The following OCEL1 variants were observed in gnomAD, a reference collection of about 807,000 sequenced individuals.
The protein encoded by OCEL1 is occludin/ELL domain-containing protein 1.
A neutral mutation model predicts 29.4 loss-of-function variants in OCEL1; 24 were observed. The ratio of observed to expected loss-of-function variants is 0.82; its 90% CI spans 0.59 to 1.15. The LOEUF (loss-of-function observed/expected upper bound fraction) is 1.15, where lower values mean the gene tolerates loss of function less well. Among genes scored for constraint, OCEL1 ranks in the 50% most tolerant of loss-of-function variants. The pLI is 0.00. For synonymous variants in OCEL1, 172 were observed against 145.3 expected (o/e 1.18, Z -1.32); for missense variants, 402 against 352.5 (o/e 1.14, Z -1.13).
chr19:17,227,393 A>G (rs1480528865), intron 3 of OCEL1, among the ~76,000 whole-genome samples, 194 bp downstream of exon 3: 1 of 152,128 alleles, frequency 6.6e-6, no homozygotes, highest in Non-Finnish European at 1.5e-5. Flanking sequence ...CGTCTCCGAA[A>G]ATAAATAAAT....
In OCEL1 at chr19:17,229,026, C is replaced by G. The variant is rs755804633; in HGVS notation, c.*101C>G. The stretch of plus-strand genomic sequence containing the variant: ...TCTTGCAGCTCCCCCTACCAGGGGT[C>G]GCTTTCTCCTGGATTGCAAATGCCT... On this transcript the variant is annotated 3_prime_UTR_variant, in exon 6 of 6. Transcript: ENST00000215061. 1 of 1,393,608 alleles carries G rather than the reference C, an allele frequency of 7.2e-7. No homozygotes were observed. Among genetic ancestry groups the G allele is most frequent in the Admixed American group, 2.1e-5 (1 of 48,350 alleles). 86.3% of individuals were successfully genotyped at this position (1,393,608 alleles called of 1,614,324 possible). A position where few individuals can be genotyped will look rare whatever the true frequency, so the allele number is the denominator to read the frequency against.
At position 17,229,040 on chromosome 19, in the gene OCEL1, T is replaced by C. The variant is rs1309501798; in HGVS notation, c.*115T>C. Reference sequence around the variant, plus strand: ...CTACCAGGGGTCGCTTTCTCCTGGATTGCAAATGCCTCTTCAGTTTGGACT... The same window carrying C: ...CTACCAGGGGTCGCTTTCTCCTGGACTGCAAATGCCTCTTCAGTTTGGACT... On this transcript the variant is annotated 3_prime_UTR_variant, in exon 6 of 6. Coordinates refer to ENST00000215061, the MANE Select transcript of OCEL1 (RefSeq NM_024578.3). 2 of 1,261,366 alleles carry C rather than the reference T, an allele frequency of 1.6e-6. No individual in the cohort carries two copies. The highest frequency in any genetic ancestry group is 2.3e-5 in the Admixed American group (1 of 44,334). 78.1% of individuals were successfully genotyped at this position (1,261,366 alleles called of 1,614,324 possible).
chr19:17,226,939 G>A, intron 2 of OCEL1, 55 bp from the exon 3 acceptor site: 1 of 1,530,852 alleles, frequency 6.5e-7, no homozygotes, highest in South Asian at 1.3e-5. Flanking sequence ...CCAGTTTGAG[G>A]GACTCCGGTT....
chr19:17,228,951 T>C lies in OCEL1; in HGVS notation c.*26T>C, dbSNP rs1383509611. The C allele has an allele frequency of 1.2e-6, 2 of 1,603,674 alleles. No homozygotes were observed. Among genetic ancestry groups the C allele is most frequent in the Non-Finnish European group, 1.7e-6 (2 of 1,174,964 alleles). Reference sequence around the variant, plus strand: ...GTGCCCCTGCAGATGGGCAGAGGGATGCATGGGGATGCAGGTCCCTTGCAT... The same window carrying C: ...GTGCCCCTGCAGATGGGCAGAGGGACGCATGGGGATGCAGGTCCCTTGCAT... On this transcript the variant is annotated 3_prime_UTR_variant, in exon 6 of 6. Transcript: ENST00000215061.
At position 17,226,733 on chromosome 19, in the gene OCEL1, C is replaced by A. The variant is rs368420288; in HGVS notation, c.110C>A (p.Ala37Asp). The change falls in exon 2 of 6, where the codon GCC becomes GAC. Residue 37 changes from alanine to aspartate, a missense_variant. Ala to Asp is a moderately radical substitution (Grantham distance 126, BLOSUM62 -2). Transcript: ENST00000215061. ...CCCCCGCCGCGCGCGGGACACGACG[C>A]CCCCCGCAGGACCCGCCCATCAGCC... ...RPPPPRAGHD[A>D]PRRTRPSARK... is the part of the protein sequence containing the mutation. The A allele has an allele frequency of 4.5e-6, 7 of 1,542,884 alleles. No individual in the cohort carries two copies. Among genetic ancestry groups the A allele is most frequent in the South Asian group, 3.6e-5 (3 of 84,154 alleles).
intron 1 of OCEL1, 156 bp downstream of exon 1, chr19:17,226,472 G>A (rs10424828): frequency 0.065 from 64,053 of 982,520 alleles, 2,552 homozygotes; most frequent in Middle Eastern, 0.17. Flanking sequence ...GCTGCGCGGC[G>A]ACGTCAGAGT....
intron 1 of OCEL1, 28 bp downstream of exon 1, chr19:17,226,344 G>A: frequency 6.2e-7 from 1 of 1,604,920 alleles, no homozygotes; most frequent in Non-Finnish European, 8.5e-7. Context: ...CGAGCCGGAC[G>A]GCCTTGCAGG....
chr19:17,228,774 C>G, intron 5 of OCEL1, 29 bp from the exon 6 acceptor site: 1 of 1,608,772 alleles, frequency 6.2e-7, no homozygotes, highest in Middle Eastern at 2.0e-4. Flanking sequence ...CAGACTGCTG[C>G]AAAGACTTCC....
chr19:17,226,586 A>C (rs931149470), intron 1 of OCEL1, 107 bp from the exon 2 acceptor site: 32 of 1,230,292 alleles, frequency 2.6e-5, no homozygotes, highest in Non-Finnish European at 3.3e-5. Flanking sequence ...GTTCTGGGGA[A>C]CTCTGCTCCC....
chr19:17,228,171 C>T, intron 4 of OCEL1, 85 bp from the exon 5 acceptor site: 1 of 1,554,910 alleles, frequency 6.4e-7, no homozygotes, highest in South Asian at 1.1e-5. Context: ...ACTAGATGGG[C>T]ATTTAGTCTG....
intron 5 of OCEL1, 38 bp downstream of exon 5, chr19:17,228,347 G>C: frequency 6.2e-7 from 1 of 1,605,112 alleles, no homozygotes; most frequent in Non-Finnish European, 8.5e-7. Context: ...TTGCACCCCT[G>C]AGACTTCTGT....
At position 17,228,019 on chromosome 19, in the gene OCEL1, A is replaced by G; in HGVS notation, c.618+14A>G. ...CCCCAAAGCCAGGTCAGCACTAGGG[A>G]GAAAGCCCTGCCCCGCAGCCCTTCT... On this transcript the variant is annotated intron_variant, in intron 4 of 5. Transcript: ENST00000215061. 1 of 1,610,198 alleles carries G rather than the reference A, an allele frequency of 6.2e-7. No homozygotes were observed. Among genetic ancestry groups the G allele is most frequent in the South Asian group, 1.1e-5 (1 of 90,942 alleles).
In OCEL1 at chr19:17,228,336, C is replaced by G. The variant is rs767489465; in HGVS notation, c.672+27C>G. 11 of 1,612,638 alleles carry G rather than the reference C, an allele frequency of 6.8e-6. No homozygotes were observed. In the Admixed American group the frequency reaches 1.0e-4, roughly 15 times the overall value. ...TGAGTCTTGCATCCCACAGCTTGGT[C>G]TTGCACCCCTGAGACTTCTGTGAGG... On this transcript the variant is annotated intron_variant, in intron 5 of 5. Coordinates refer to ENST00000215061, the MANE Select transcript of OCEL1 (RefSeq NM_024578.3).
chr19:17,229,137 A>T lies in OCEL1; in HGVS notation c.*212A>T. 1 of 460,638 alleles carries T rather than the reference A, an allele frequency of 2.2e-6. No individual in the cohort carries two copies. Among genetic ancestry groups the T allele is most frequent in the South Asian group, 2.5e-5 (1 of 39,812 alleles). The allele number at this position is 460,638 out of a possible 1,614,324, so 28.5% of individuals were successfully genotyped here. A position where few individuals can be genotyped will look rare whatever the true frequency, so the allele number is the denominator to read the frequency against. On this transcript the variant is annotated 3_prime_UTR_variant, in exon 6 of 6. Coordinates refer to ENST00000215061, the MANE Select transcript of OCEL1 (RefSeq NM_024578.3). Reference sequence around the variant, plus strand: ...CTCTGGGTCCTCTAGCTCTGACCCTACAGGGACTCCAGATCTCAACCTGTT... The same window carrying T: ...CTCTGGGTCCTCTAGCTCTGACCCTTCAGGGACTCCAGATCTCAACCTGTT...
intron 4 of OCEL1, 26 bp from the exon 5 acceptor site, chr19:17,228,229 AC>A: frequency 6.2e-7 from 1 of 1,608,968 alleles, no homozygotes; most frequent in Non-Finnish European, 8.5e-7. Flanking sequence ...CTCTCCCTAA[AC>A]CCCCTTTCTA....
Position 17,229,045 on chromosome 19 carries a change from A to AATG in OCEL1, c.*121_*123dup. On this transcript the variant is annotated 3_prime_UTR_variant, in exon 6 of 6. Coordinates refer to ENST00000215061, the MANE Select transcript of OCEL1 (RefSeq NM_024578.3). The stretch of plus-strand genomic sequence containing the variant: ...AGGGGTCGCTTTCTCCTGGATTGCA[A>AATG]ATGCCTCTTCAGTTTGGACTCAGCT... The AATG allele has an allele frequency of 8.2e-7, 1 of 1,221,082 alleles. No homozygotes were observed. Among genetic ancestry groups the AATG allele is most frequent in the Admixed American group, 2.3e-5 (1 of 42,858 alleles). The allele number at this position is 1,221,082 out of a possible 1,614,324, so 75.6% of individuals were successfully genotyped here.
chr19:17,228,029 G>T, intron 4 of OCEL1, 24 bp downstream of exon 4: 1 of 1,608,544 alleles, frequency 6.2e-7, no homozygotes. Flanking sequence ...AGAAAGCCCT[G>T]CCCCGCAGCC....
chr19:17,226,837 C>A lies in OCEL1; in HGVS notation c.214C>A (p.Leu72Met). ...AAAGACTCGCGGCTCCCGGGGGCACCTGCATACTCACCCGCCTGGGCCTGG... is the reference window on the plus strand; with the variant it reads ...AAAGACTCGCGGCTCCCGGGGGCACATGCATACTCACCCGCCTGGGCCTGG... Reference protein sequence around the residue: ...PPKTRGSRGHLHTHPPGPGPP... With the variant: ...PPKTRGSRGHMHTHPPGPGPP... The change falls in exon 2 of 6, where the codon CTG (leucine) becomes ATG (methionine). Residue 72 changes from leucine (L) to methionine (M), a missense_variant. By Grantham distance (15) the Leu-to-Met change is conservative. Coordinates refer to ENST00000215061, the MANE Select transcript of OCEL1 (RefSeq NM_024578.3). 1 of 1,569,824 alleles carries A rather than the reference C, an allele frequency of 6.4e-7. No homozygotes were observed. Among genetic ancestry groups the A allele is most frequent in the Non-Finnish European group, 8.6e-7 (1 of 1,164,128 alleles).
chr19:17,226,466 C>A, intron 1 of OCEL1, 150 bp downstream of exon 1: 2 of 1,012,096 alleles, frequency 2.0e-6, no homozygotes, highest in Non-Finnish European at 2.9e-6. Context: ...TCCCAGGCTG[C>A]GCGGCGACGT....
Sources: allele counts gnomAD v4.1 joint callset (sites outside exome capture counted in the v4.1 genomes callset), GRCh38; gene constraint gnomAD v4.1.1; transcripts MANE v1.5; gene names NCBI Gene and HGNC (gene_info 2026-07-23, HGNC 2026-07-21).